The following GLRA2 variants were observed in gnomAD, a reference collection of about 807,000 sequenced individuals.
GLRA2 encodes glycine receptor alpha 2.
In GLRA2, 11 loss-of-function variants were observed where a neutral mutation model predicts 31.6. That is an observed-to-expected ratio of 0.35 (90% confidence interval 0.22 to 0.58). The LOEUF is 0.58. Ranked by LOEUF, GLRA2 falls within the 20% of genes least tolerant of loss-of-function variation. The pLI is 0.84. For missense variants in GLRA2, 212 were observed against 351.8 expected (o/e 0.60, Z 3.18); for synonymous variants, 132 against 134.0 (o/e 0.99, Z 0.10).
intron 7 of GLRA2, among the ~76,000 whole-genome samples, chrX:14,639,455 A>ACC (rs2090750097): frequency 8.9e-6 from 1 of 112,452 alleles, no homozygotes; most frequent in Non-Finnish European, 1.9e-5. Context: ...CTTAACATTT[A>ACC]AATAGTTAAA....
intron 7 of GLRA2, among the ~76,000 whole-genome samples, chrX:14,672,099 G>A (rs1384802157): frequency 8.9e-6 from 1 of 112,234 alleles, no homozygotes; most frequent in Admixed American, 9.4e-5. Context: ...GTGGGAGTGT[G>A]AGACCCCAAA....
chrX:14,690,607 C>A, intron 7 of GLRA2, 103 bp from the exon 8 acceptor site: 1 of 538,566 alleles, frequency 1.9e-6, no homozygotes, highest in Non-Finnish European at 3.1e-6. Flanking sequence ...GGTTATTTTG[C>A]TGCTCACACC....
At chrX:14,528,448 C>T (rs2089209027), upstream of GLRA2, among the ~76,000 whole-genome samples, 1 of 111,974 alleles carries the variant, frequency 8.9e-6, no homozygotes, top group Non-Finnish European at 1.9e-5. Flanking sequence ...GAATATTCCA[C>T]AAAAAGTAGG....
At chrX:14,552,868 T>C (rs1358635299) in intron 2 of GLRA2, among the ~76,000 whole-genome samples, 1 of 112,041 alleles carries the variant, frequency 8.9e-6, no homozygotes, top group Non-Finnish European at 1.9e-5. Flanking sequence ...GTCTCTAGCA[T>C]GAAAAGATCA....
intron 7 of GLRA2, among the ~76,000 whole-genome samples, chrX:14,656,552 A>G (rs2090943041): frequency 9.0e-6 from 1 of 111,482 alleles, no homozygotes; most frequent in East Asian, 2.8e-4. Flanking sequence ...GTAAGCCATG[A>G]CCTCTTTGAC....
At chrX:14,526,505 G>T (rs1410133795), upstream of GLRA2, among the ~76,000 whole-genome samples, 1 of 111,928 alleles carries the variant, frequency 8.9e-6, no homozygotes, top group African/African-American at 3.2e-5. Context: ...AAGAGATAAA[G>T]ATATCTCAAC....
chrX:14,690,216 G>A (rs1020877858), intron 7 of GLRA2, among the ~76,000 whole-genome samples: 1 of 111,606 alleles, frequency 9.0e-6, no homozygotes, highest in African/African-American at 3.3e-5. Flanking sequence ...ATAGAAGTGA[G>A]CAGTTTGAAT....
the GLRA2 span, among the ~76,000 whole-genome samples, chrX:14,507,786 TG>T: frequency 1.0e-5 from 1 of 95,541 alleles, no homozygotes; most frequent in African/African-American, 3.9e-5. Flanking sequence ...CTCCGCCTCC[TG>T]GGTTTAAGCG....
rs749194475 is a variant in GLRA2, at chrX:14,546,103, T to C, written c.202+13731T>C. ...AATAAGGTTGCCATACTATTCAGTA[T>C]TTATTTTATCTGAAATATTACCATT... On this transcript the variant is annotated intron_variant, in intron 2 of 8. Transcript: ENST00000218075. 6.3e-5 allele frequency among the ~76,000 whole-genome samples: 7 copies of C among 111,629 alleles called. No homozygotes were observed. The Admixed American group carries it at 6.7e-4, about 11-fold the overall frequency.
intron 7 of GLRA2, among the ~76,000 whole-genome samples, chrX:14,668,865 T>C (rs1030750996): frequency 9.0e-6 from 1 of 111,323 alleles, no homozygotes; most frequent in Non-Finnish European, 1.9e-5. Flanking sequence ...CTAAATCTCA[T>C]GTCCTCACAT....
chrX:14,583,048 A>G (rs2147067914), intron 4 of GLRA2, among the ~76,000 whole-genome samples: 1 of 111,914 alleles, frequency 8.9e-6, no homozygotes, highest in Admixed American at 9.5e-5. Flanking sequence ...GTATTTTAAA[A>G]TCAGTTCTTT....
chrX:14,690,659 T>TTCTCTC, intron 7 of GLRA2, 51 bp from the exon 8 acceptor site: 1 of 774,728 alleles, frequency 1.3e-6, no homozygotes, highest in Non-Finnish European at 1.9e-6. Flanking sequence ...TAGTCTTTCT[T>TTCTCTC]TCTCTCTCTC....
At chrX:14,450,319 T>C in the GLRA2 span, among the ~76,000 whole-genome samples, 5 of 111,669 alleles carry the variant, frequency 4.5e-5, no homozygotes, top group Admixed American at 9.4e-5. Context: ...GGAGGAGAGT[T>C]GCAGGCCTCC....
intron 2 of GLRA2, among the ~76,000 whole-genome samples, chrX:14,538,074 A>ATC (rs2089349717): frequency 9.1e-6 from 1 of 109,478 alleles, no homozygotes; most frequent in Non-Finnish European, 1.9e-5. Flanking sequence ...TCAAGAGGGC[A>ATC]TCTACAGCAT....
At chrX:14,458,734 G>A in the GLRA2 span, among the ~76,000 whole-genome samples, 2 of 111,390 alleles carry the variant, frequency 1.8e-5, no homozygotes, top group Non-Finnish European at 3.8e-5. Flanking sequence ...TTTTTTTCTT[G>A]TAAATTTGTT....
At chrX:14,706,810 A>T (rs190626602) in intron 8 of GLRA2, among the ~76,000 whole-genome samples, 151 of 112,195 alleles carry the variant, frequency 1.3e-3, no homozygotes, top group Middle Eastern at 9.3e-3. Flanking sequence ...ATTGTAGTAA[A>T]ACAATAATTC....
At chrX:14,645,860 C>A (rs2090824814) in intron 7 of GLRA2, among the ~76,000 whole-genome samples, 1 of 111,890 alleles carries the variant, frequency 8.9e-6, no homozygotes, top group African/African-American at 3.2e-5. Flanking sequence ...ACAATACCTC[C>A]ATTGATCCTC....
chrX:14,546,747 T>C (rs192408069), intron 2 of GLRA2, among the ~76,000 whole-genome samples: 51 of 111,469 alleles, frequency 4.6e-4, no homozygotes, highest in Middle Eastern at 4.7e-3. Context: ...GCTGAAGGAA[T>C]CTTTGTGATG....
At chrX:14,558,770 A>C (rs1407602714) in intron 2 of GLRA2, among the ~76,000 whole-genome samples, 1 of 110,127 alleles carries the variant, frequency 9.1e-6, no homozygotes, top group Non-Finnish European at 1.9e-5. Context: ...AGAAGATGCT[A>C]TTTGGTTCTT....
Sources: allele counts gnomAD v4.1 joint callset (sites outside exome capture counted in the v4.1 genomes callset), GRCh38; gene constraint gnomAD v4.1.1; transcripts MANE v1.5; gene names NCBI Gene and HGNC (gene_info 2026-07-23, HGNC 2026-07-21).